The following EXOC2 variants were observed in gnomAD, a reference collection of about 807,000 sequenced individuals.
The protein encoded by EXOC2 is exocyst complex component 2, also known as SEC5-like 1.
A neutral mutation model predicts 131.8 loss-of-function variants in EXOC2; 70 were observed. The observed-to-expected ratio is 0.53, with a 90% CI of 0.44 to 0.65. The LOEUF is 0.65. Among genes scored for constraint, EXOC2 ranks in the 30% least tolerant of loss-of-function variants. The probability of loss-of-function intolerance (pLI) is 0.00; values close to 1 mark genes in which losing one functional copy is unlikely to be tolerated. For synonymous variants in EXOC2, 411 were observed against 398.4 expected, an observed-to-expected ratio of 1.03 and a Z score of -0.38; for missense variants, 923 against 1,108.6, an observed-to-expected ratio of 0.83 and a Z score of 2.38.
intron 22 of EXOC2, among the ~76,000 whole-genome samples, chr6:544,242 C>T (rs1184832302): frequency 6.6e-6 from 1 of 152,164 alleles, no homozygotes; most frequent in Non-Finnish European, 1.5e-5. Flanking sequence ...ATCTTATGTT[C>T]TTTCTTGCTT....
rs1554123183 is a variant in EXOC2 at position 531,401 on chromosome 6, G to GCACAGAAAAGTGTGTT, written c.2380+1067_2380+1068insAACACACTTTTCTGTG. Among the ~76,000 whole-genome samples, 476 of 151,784 alleles carry GCACAGAAAAGTGTGTT rather than the reference G, an allele frequency of 3.1e-3. 2 individuals are homozygous for GCACAGAAAAGTGTGTT. Among genetic ancestry groups the GCACAGAAAAGTGTGTT allele is most frequent in the African/African-American group, 9.1e-3 (375 of 41,238 alleles). On this transcript the variant is annotated intron_variant, in intron 23 of 27. Coordinates refer to ENST00000230449, the MANE Select transcript of EXOC2 (RefSeq NM_018303.6). ...TGTGGTTTGGGCACAGAAAGTGTGT[G>GCACAGAAAAGTGTGTT]CACAGAAAAGTGTGTGCACAGAAAA...
chr6:538,138 G>T (rs1258039404), intron 22 of EXOC2, among the ~76,000 whole-genome samples: 1 of 152,228 alleles, frequency 6.6e-6, no homozygotes, highest in African/African-American at 2.4e-5. Context: ...TACAAAAAGA[G>T]AGTAGAATGG....
At chr6:622,477 G>A (rs1275686620) in intron 4 of EXOC2, among the ~76,000 whole-genome samples, 1 of 152,118 alleles carries the variant, frequency 6.6e-6, no homozygotes, top group Non-Finnish European at 1.5e-5. Flanking sequence ...GCCCATAATC[G>A]AACAGGGAAT....
chr6:572,327 G>C (rs1003433748), intron 13 of EXOC2, among the ~76,000 whole-genome samples, 193 bp downstream of exon 13: 1 of 152,126 alleles, frequency 6.6e-6, no homozygotes, highest in Non-Finnish European at 1.5e-5. Flanking sequence ...TTGTACATGA[G>C]GAAAAGTGAC....
chr6:625,717 G>T (rs777615779), intron 4 of EXOC2, among the ~76,000 whole-genome samples: 61 of 151,988 alleles, frequency 4.0e-4, no homozygotes, highest in Non-Finnish European at 5.6e-4. Context: ...AATTGAAATT[G>T]GTCTTTTCTT....
At chr6:516,143 G>C (rs1213413155) in intron 23 of EXOC2, among the ~76,000 whole-genome samples, 1 of 152,170 alleles carries the variant, frequency 6.6e-6, no homozygotes, top group Non-Finnish European at 1.5e-5. Flanking sequence ...TCCAAATACT[G>C]AGACAGTCCT....
intron 23 of EXOC2, among the ~76,000 whole-genome samples, chr6:501,122 T>C (rs1206616069): frequency 4.5e-5 from 3 of 65,980 alleles, no homozygotes; most frequent in African/African-American, 1.1e-4. Flanking sequence ...TATATATCTA[T>C]ATATATTATA....
intron 6 of EXOC2, among the ~76,000 whole-genome samples, chr6:616,963 G>A (rs1761046910): frequency 6.6e-6 from 1 of 152,004 alleles, no homozygotes; most frequent in African/African-American, 2.4e-5. Flanking sequence ...ATAAAAGAAT[G>A]TCTATACTTT....
At chr6:587,473 T>C (rs976677803) in intron 11 of EXOC2, among the ~76,000 whole-genome samples, 8 of 152,206 alleles carry the variant, frequency 5.3e-5, no homozygotes, top group African/African-American at 1.4e-4. Context: ...CTCGATCTCC[T>C]GACCTCATGG....
chr6:661,749 A>C (rs574698411), intron 1 of EXOC2, among the ~76,000 whole-genome samples: 42 of 152,318 alleles, frequency 2.8e-4, no homozygotes, highest in Admixed American at 9.8e-4. Context: ...AACAAACAAA[A>C]AAAAAGTACA....
At chr6:638,666 C>T (rs1433190200) in intron 1 of EXOC2, among the ~76,000 whole-genome samples, 1 of 152,234 alleles carries the variant, frequency 6.6e-6, no homozygotes, top group African/African-American at 2.4e-5. Flanking sequence ...GGTGCGGTGG[C>T]TCATGCCTGT....
chr6:671,354 C>CAAA (rs60588220), intron 1 of EXOC2, among the ~76,000 whole-genome samples: 1 of 149,476 alleles, frequency 6.7e-6, no homozygotes, highest in Non-Finnish European at 1.5e-5. Context: ...ACAACAACAA[C>CAAA]AAAAAAAAAC....
chr6:563,882 C>G (rs959834777), intron 16 of EXOC2, 151 bp downstream of exon 16: 9 of 1,137,822 alleles, frequency 7.9e-6, no homozygotes, highest in Non-Finnish European at 9.5e-6. Context: ...AGAAAAAACA[C>G]TTATTGAGCA....
At chr6:537,013 T>C (rs992976630) in intron 22 of EXOC2, among the ~76,000 whole-genome samples, 17 of 152,216 alleles carry the variant, frequency 1.1e-4, no homozygotes, top group African/African-American at 4.1e-4. Flanking sequence ...AGAAGCTACC[T>C]GAATGTATCT....
chr6:591,850 T>G (rs1044757931), intron 11 of EXOC2, among the ~76,000 whole-genome samples: 34 of 152,126 alleles, frequency 2.2e-4, no homozygotes, highest in African/African-American at 8.2e-4. Flanking sequence ...CTCCCCCAGC[T>G]TCCCTCAGGG....
intron 25 of EXOC2, 111 bp downstream of exon 25, chr6:497,256 C>G: frequency 2.2e-6 from 2 of 920,382 alleles, no homozygotes; most frequent in Middle Eastern, 2.4e-4. Flanking sequence ...CTTCTTCAAT[C>G]AGTAGATCCA....
intron 1 of EXOC2, chr6:689,287 A>T (rs929909428): frequency 1.4e-5 from 2 of 148,108 alleles, no homozygotes; most frequent in East Asian, 3.9e-4. Flanking sequence ...TGTATTTTTA[A>T]TCTGAAATGC....
chr6:556,457 G>C (rs376227039), intron 18 of EXOC2, 27 bp downstream of exon 18: 73 of 1,609,578 alleles, frequency 4.5e-5, no homozygotes, highest in Non-Finnish European at 6.0e-5. Flanking sequence ...TGGGAAACTG[G>C]AGTCCAAGCG....
intron 22 of EXOC2, among the ~76,000 whole-genome samples, chr6:540,033 T>C (rs1420467718): frequency 1.3e-5 from 2 of 152,358 alleles, no homozygotes; most frequent in East Asian, 3.9e-4. Flanking sequence ...CAGGATATAC[T>C]GTCACCTGAA....
Sources: allele counts gnomAD v4.1 joint callset (sites outside exome capture counted in the v4.1 genomes callset), GRCh38; gene constraint gnomAD v4.1.1; transcripts MANE v1.5; gene names NCBI Gene and HGNC (gene_info 2026-07-23, HGNC 2026-07-21).